The following AFAP1 variants were observed in gnomAD, a reference collection of about 807,000 sequenced individuals.
The protein encoded by AFAP1 is actin filament-associated protein 1.
In AFAP1, 75 loss-of-function variants were observed where a neutral mutation model predicts 93.9. The ratio of observed to expected loss-of-function variants is 0.80; its 90% CI spans 0.66 to 0.97. The LOEUF (loss-of-function observed/expected upper bound fraction) is 0.97, where lower values mean the gene tolerates loss of function less well. AFAP1 is among the 50% of genes least tolerant of loss of function. The probability of loss-of-function intolerance (pLI) is 0.00; values close to 1 mark genes in which losing one functional copy is unlikely to be tolerated. For synonymous variants in AFAP1, 517 were observed against 430.7 expected, an observed-to-expected ratio of 1.20 and a Z score of -2.48; for missense variants, 1,201 against 1,050.8, an observed-to-expected ratio of 1.14 and a Z score of -1.98.
intron 3 of AFAP1, among the ~76,000 whole-genome samples, chr4:7,859,380 C>A (rs962626741): frequency 1.3e-5 from 2 of 152,010 alleles, no homozygotes; most frequent in Non-Finnish European, 2.9e-5. Flanking sequence ...GATCGCCACA[C>A]TGCACTCCAG....
At chr4:7,771,409 A>G (rs1715419520) in intron 16 of AFAP1, among the ~76,000 whole-genome samples, 1 of 152,176 alleles carries the variant, frequency 6.6e-6, no homozygotes, top group Non-Finnish European at 1.5e-5. Flanking sequence ...ATATAATTGT[A>G]TTTTATATAT....
intron 10 of AFAP1, among the ~76,000 whole-genome samples, chr4:7,799,331 C>CAAA (rs10624530): frequency 1.6e-4 from 24 of 147,374 alleles, no homozygotes; most frequent in East Asian, 9.9e-4. Context: ...TCATCCCCAC[C>CAAA]AAAAAAAAAA....
intron 6 of AFAP1, among the ~76,000 whole-genome samples, chr4:7,825,442 T>C (rs941738258): frequency 6.6e-6 from 1 of 152,166 alleles, no homozygotes; most frequent in Admixed American, 6.5e-5. Flanking sequence ...AAACAGATAA[T>C]TTTAAAGACA....
At position 7,872,042 on chromosome 4, in the gene AFAP1, C is replaced by T. The variant is rs941183494; in HGVS notation, c.37G>A (p.Glu13Lys). 6.2e-7 allele frequency: 1 copy of T among 1,614,014 alleles called. No individual in the cohort carries two copies. The highest frequency in any genetic ancestry group is 1.3e-5 in the African/African-American group (1 of 74,984). Reference protein sequence around the residue: ...ELIVELRLFLELLDHEYLTST... With the variant: ...ELIVELRLFLKLLDHEYLTST... ...GTTAGATATTCATGGTCCAGGAGTT[C>T]AAGAAAGAGACGAAGTTCAACTATT... is the stretch of plus-strand genomic sequence containing the variant. Residue 13 changes from glutamate to lysine, a missense_variant, in exon 2 of 18, where the codon GAA becomes AAA. By Grantham distance (56) the Glu-to-Lys change is moderately conservative. Coordinates refer to ENST00000420658, the MANE Select transcript of AFAP1 (RefSeq NM_001134647.2).
intron 9 of AFAP1, among the ~76,000 whole-genome samples, chr4:7,805,169 G>C (rs1297100537): frequency 6.6e-6 from 1 of 152,172 alleles, no homozygotes; most frequent in African/African-American, 2.4e-5. Context: ...CCGAGTCGTG[G>C]GGATTCCAGC....
intron 17 of AFAP1, among the ~76,000 whole-genome samples, chr4:7,768,151 T>C (rs1442039059): frequency 6.6e-6 from 1 of 152,194 alleles, no homozygotes; most frequent in African/African-American, 2.4e-5. Context: ...TTCCAGCCCC[T>C]CGGGGCGGGG....
chr4:7,939,306 C>A lies in AFAP1; in HGVS notation c.-3+350G>T, dbSNP rs976434190. On this transcript the variant is annotated intron_variant, in intron 1 of 17. Transcript: ENST00000420658. This position sits in a 1 kb window ranked among gnomAD's most constrained non-coding sequence, Gnocchi z 5.6. ...GCCTCCCACTCTTGGTGACCCGGAC[C>A]CCGCCCCACGAGTGGGTCTTCGCAG... 4 of 312,648 alleles carry A rather than the reference C, an allele frequency of 1.3e-5. No individual in the cohort carries two copies. Among genetic ancestry groups the A allele is most frequent in the Non-Finnish European group, 2.5e-5 (4 of 157,258 alleles). 19.4% of individuals were successfully genotyped at this position (312,648 alleles called of 1,614,324 possible). A position where few individuals can be genotyped will look rare whatever the true frequency, so the allele number is the denominator to read the frequency against.
intron 6 of AFAP1, among the ~76,000 whole-genome samples, chr4:7,830,139 T>C (rs908881664): frequency 6.6e-6 from 1 of 152,192 alleles, no homozygotes; most frequent in East Asian, 1.9e-4. Flanking sequence ...TGCTGCACCC[T>C]TTCTATGGGG....
intron 4 of AFAP1, among the ~76,000 whole-genome samples, chr4:7,850,736 T>C (rs1714338213): frequency 6.6e-6 from 1 of 152,230 alleles, no homozygotes; most frequent in Non-Finnish European, 1.5e-5. Flanking sequence ...CCCCAGCTGC[T>C]TGCTGCAGGC....
intron 1 of AFAP1, among the ~76,000 whole-genome samples, chr4:7,898,994 C>G (rs1287971541): frequency 6.9e-6 from 1 of 145,836 alleles, no homozygotes; most frequent in Non-Finnish European, 1.5e-5. Context: ...ATTGTATATA[C>G]ACAAATGTAT....
intron 10 of AFAP1, among the ~76,000 whole-genome samples, chr4:7,798,461 GGCATTGCAACTCTATTGGCTGGCTC>G (rs1718694637): frequency 9.2e-6 from 1 of 108,920 alleles, no homozygotes; most frequent in Admixed American, 9.6e-5. Context: ...GCTGGCTCAC[GGCATTGCAACTCTATTGGCTGGCTC>G]ACGGCATTTC....
At chr4:7,935,984 A>G (rs1691118354) in intron 1 of AFAP1, among the ~76,000 whole-genome samples, 1 of 152,198 alleles carries the variant, frequency 6.6e-6, no homozygotes, top group African/African-American at 2.4e-5. Flanking sequence ...CCATAAAGAA[A>G]ATCTGGTCGC....
chr4:7,889,793 G>T (rs1577337377), intron 1 of AFAP1, among the ~76,000 whole-genome samples: 1 of 149,394 alleles, frequency 6.7e-6, no homozygotes, highest in Non-Finnish European at 1.5e-5. Context: ...AATATATTAG[G>T]ATAAATTTAA....
rs561965092 is a variant in AFAP1 at position 7,838,536 on chromosome 4, C to T, written c.714G>A (p.Glu238=). 1.6e-4 allele frequency: 263 copies of T among 1,613,576 alleles called. 3 individuals are homozygous for T. Among genetic ancestry groups the T allele is most frequent in the South Asian group, 1.2e-3 (107 of 91,032 alleles). Residue 238 remains glutamate, a synonymous_variant, in exon 6 of 18, where the codon GAG becomes GAA. Coordinates refer to ENST00000420658, the MANE Select transcript of AFAP1 (RefSeq NM_001134647.2). ...VLAVQSKEQA[E]QWLKVIKEAY... is the part of the protein sequence containing the mutation. The stretch of plus-strand genomic sequence containing the variant: ...GCAGACAACCTACCTTCAGCCACTG[C>T]TCGGCCTGTTCCTTGCTCTGGACGG...
intron 1 of AFAP1, among the ~76,000 whole-genome samples, chr4:7,888,586 T>C (rs1718263479): frequency 6.6e-6 from 1 of 152,202 alleles, no homozygotes; most frequent in Admixed American, 6.5e-5. Flanking sequence ...AACAGCTCTA[T>C]ATTAAAGAAA....
chr4:7,886,189 T>C (rs1718131011), intron 1 of AFAP1, among the ~76,000 whole-genome samples: 1 of 152,236 alleles, frequency 6.6e-6, no homozygotes, highest in African/African-American at 2.4e-5. Flanking sequence ...ATACAAGTCA[T>C]TAAACTTCTT....
At chr4:7,834,386 A>C (rs2149098610) in intron 6 of AFAP1, among the ~76,000 whole-genome samples, 1 of 152,306 alleles carries the variant, frequency 6.6e-6, no homozygotes, top group South Asian at 2.1e-4. Flanking sequence ...GTAAGGGATA[A>C]AAGACTACCA....
At chr4:7,894,017 A>G (rs1044346153) in intron 1 of AFAP1, among the ~76,000 whole-genome samples, 4 of 152,196 alleles carry the variant, frequency 2.6e-5, no homozygotes, top group African/African-American at 9.6e-5. Context: ...AAGAAGGGAG[A>G]CAGCACAGTA....
rs1222481098 is a variant in AFAP1 at position 7,762,182 on chromosome 4, A to T, written c.*1583T>A. Reference sequence around the variant, plus strand: ...CAGGCCTCAAGCGCCACCACCTTAAACATGAATCCTAACTGTAAAGTCCCG... The same window carrying T: ...CAGGCCTCAAGCGCCACCACCTTAATCATGAATCCTAACTGTAAAGTCCCG... On this transcript the variant is annotated 3_prime_UTR_variant, in exon 18 of 18. Coordinates refer to ENST00000420658, the MANE Select transcript of AFAP1 (RefSeq NM_001134647.2). The T allele has an allele frequency of 6.6e-6, 1 of 152,246 alleles. No individual in the cohort carries two copies. The highest frequency in any genetic ancestry group is 1.5e-5 in the Non-Finnish European group (1 of 68,046). 9.4% of individuals were successfully genotyped at this position (152,246 alleles called of 1,614,324 possible).
Sources: allele counts gnomAD v4.1 joint callset (sites outside exome capture counted in the v4.1 genomes callset), GRCh38; gene constraint gnomAD v4.1.1; non-coding constraint Gnocchi (gnomAD v3.1); transcripts MANE v1.5; gene names NCBI Gene and HGNC (gene_info 2026-07-23, HGNC 2026-07-21).